PRKAR2A: variants seen among roughly 807,000 people sequenced by gnomAD.
The protein encoded by PRKAR2A is cAMP-dependent protein kinase type II-alpha regulatory subunit.
PRKAR2A carries 29 observed loss-of-function variants against 51.9 expected under a neutral mutation model. The observed-to-expected ratio is 0.56, with a 90% CI of 0.42 to 0.76. The LOEUF (loss-of-function observed/expected upper bound fraction) is 0.76. Ranked by LOEUF, PRKAR2A falls within the 30% of genes least tolerant of loss-of-function variation. PRKAR2A has a pLI of 0.00. For missense variants in PRKAR2A, 445 were observed against 512.1 expected, an observed-to-expected ratio of 0.87 and a Z score of 1.26; for synonymous variants, 178 against 186.2, an observed-to-expected ratio of 0.96 and a Z score of 0.36.
At chr3:48,759,638 C>T (rs936376538) in intron 8 of PRKAR2A, among the ~76,000 whole-genome samples, 7 of 152,164 alleles carry the variant, frequency 4.6e-5, no homozygotes, top group Non-Finnish European at 8.8e-5. Context: ...CCGCCTGCCT[C>T]GGCCTCCCTA....
At chr3:48,825,465 C>G (rs1332502670) in intron 1 of PRKAR2A, among the ~76,000 whole-genome samples, 1 of 152,078 alleles carries the variant, frequency 6.6e-6, no homozygotes, top group African/African-American at 2.4e-5. Context: ...AGTACAGACC[C>G]TGGCACACAT....
intron 8 of PRKAR2A, among the ~76,000 whole-genome samples, chr3:48,764,538 A>G (rs903491922): frequency 6.6e-6 from 1 of 152,210 alleles, no homozygotes; most frequent in African/African-American, 2.4e-5. Context: ...ACGGACGTCA[A>G]TAAGCTTCAG....
intron 5 of PRKAR2A, among the ~76,000 whole-genome samples, chr3:48,774,830 T>TC (rs1366803563): frequency 1.3e-5 from 2 of 152,134 alleles, no homozygotes; most frequent in Non-Finnish European, 2.9e-5. Flanking sequence ...TTTCCTTGCC[T>TC]CCCTCCCTCC....
chr3:48,751,828 ACCAGCCACTTGC>A lies in PRKAR2A; in HGVS notation c.1082-122_1082-111del. On this transcript the variant is annotated intron_variant, in intron 10 of 10. Coordinates refer to ENST00000265563, the MANE Select transcript of PRKAR2A (RefSeq NM_004157.4). ...GTTGTATGAGATTACGCCTTGGGAC[ACCAGCCACTTGC>A]AAAAAGGGATGTTTCTATATGAATT... 16 of 1,282,590 alleles carry A rather than the reference ACCAGCCACTTGC, an allele frequency of 1.2e-5. No homozygotes were observed. The Admixed American group carries it at 2.6e-4, about 21-fold the overall frequency. 79.5% of individuals were successfully genotyped at this position (1,282,590 alleles called of 1,614,324 possible). A position where few individuals can be genotyped will look rare whatever the true frequency, so the allele number is the denominator to read the frequency against.
At chr3:48,760,886 C>CTAAG (rs1321446678) in intron 8 of PRKAR2A, among the ~76,000 whole-genome samples, 1 of 150,244 alleles carries the variant, frequency 6.7e-6, no homozygotes, top group Non-Finnish European at 1.5e-5. Context: ...ACTTGGAAGG[C>CTAAG]TAAGGGAAGA....
At chr3:48,825,934 T>C (rs540959674) in intron 1 of PRKAR2A, among the ~76,000 whole-genome samples, 1 of 152,298 alleles carries the variant, frequency 6.6e-6, no homozygotes, top group South Asian at 2.1e-4. Flanking sequence ...ATGGTAGTTA[T>C]ACTTTGGGGA....
At chr3:48,820,921 G>A (rs543142109) in intron 1 of PRKAR2A, among the ~76,000 whole-genome samples, 1 of 152,174 alleles carries the variant, frequency 6.6e-6, no homozygotes, top group African/African-American at 2.4e-5. Context: ...AACTCCCTGA[G>A]TTGGACCTGA....
intron 1 of PRKAR2A, among the ~76,000 whole-genome samples, chr3:48,830,610 T>C (rs1333214892): frequency 6.6e-6 from 1 of 152,114 alleles, no homozygotes; most frequent in African/African-American, 2.4e-5. Context: ...TGGAAGACAA[T>C]TTTTCCATGA....
intron 5 of PRKAR2A, among the ~76,000 whole-genome samples, chr3:48,776,714 G>A (rs970201315): frequency 5.3e-5 from 8 of 152,030 alleles, no homozygotes; most frequent in Non-Finnish European, 8.8e-5. Context: ...GGTGGCATGT[G>A]CCTGTAATCC....
intron 1 of PRKAR2A, among the ~76,000 whole-genome samples, chr3:48,840,516 GTTTATCCA>G (rs2083360092): frequency 8.6e-6 from 1 of 116,116 alleles, no homozygotes; most frequent in South Asian, 3.0e-4. Flanking sequence ...ACCATATTTT[GTTTATCCA>G]TTCATTTATG....
chr3:48,749,517 T>A lies in PRKAR2A; in HGVS notation c.*2068A>T, dbSNP rs1216009075. On this transcript the variant is annotated 3_prime_UTR_variant, in exon 11 of 11. Coordinates refer to ENST00000265563, the MANE Select transcript of PRKAR2A (RefSeq NM_004157.4). ...TTTTTTTTGAGATGGAGTCTTGCAC[T>A]GTCACCCGGGGTGGAATACAATGGT... 4 of 151,348 alleles carry A rather than the reference T, an allele frequency of 2.6e-5. No homozygotes were observed. Among genetic ancestry groups the A allele is most frequent in the Non-Finnish European group, 5.9e-5 (4 of 67,896 alleles). The allele number at this position is 151,348 out of a possible 1,614,324, so 9.4% of individuals were successfully genotyped here.
intron 1 of PRKAR2A, among the ~76,000 whole-genome samples, chr3:48,843,987 G>T (rs2107472600): frequency 6.7e-6 from 1 of 148,882 alleles, no homozygotes; most frequent in South Asian, 2.1e-4. Context: ...TTGACAAATG[G>T]GATCTAATTA....
At chr3:48,826,100 T>A (rs957198464) in intron 1 of PRKAR2A, among the ~76,000 whole-genome samples, 14 of 152,150 alleles carry the variant, frequency 9.2e-5, no homozygotes, top group South Asian at 2.1e-4. Flanking sequence ...CCCATCTCTA[T>A]GAATAATTTT....
intron 6 of PRKAR2A, among the ~76,000 whole-genome samples, chr3:48,770,426 A>T (rs2082013105): frequency 6.6e-6 from 1 of 152,100 alleles, no homozygotes; most frequent in Non-Finnish European, 1.5e-5. Flanking sequence ...GGAATGTAGG[A>T]TCCAACTTGA....
At chr3:48,755,763 C>T (rs1286471399) in intron 9 of PRKAR2A, among the ~76,000 whole-genome samples, 1 of 148,818 alleles carries the variant, frequency 6.7e-6, no homozygotes, top group East Asian at 2.0e-4. Flanking sequence ...TGAGACATTG[C>T]GCCCAGCCCC....
rs900728827 is a variant in PRKAR2A at position 48,790,514 on chromosome 3, T to C, written c.435+30A>G. The C allele has an allele frequency of 4.8e-6, 7 of 1,447,000 alleles. 1 individual carries two copies. The highest frequency in any genetic ancestry group is 6.5e-6 in the Non-Finnish European group (7 of 1,073,198). 89.6% of individuals were successfully genotyped at this position (1,447,000 alleles called of 1,614,324 possible). A position where few individuals can be genotyped will look rare whatever the true frequency, so the allele number is the denominator to read the frequency against. On this transcript the variant is annotated intron_variant, in intron 4 of 10. Coordinates refer to ENST00000265563, the MANE Select transcript of PRKAR2A (RefSeq NM_004157.4). Reference sequence around the variant, plus strand: ...TAGGAGCAAAGCTAAAAGATCATTATAATAAAAATACTTTAGAAATCAATG... The same window carrying C: ...TAGGAGCAAAGCTAAAAGATCATTACAATAAAAATACTTTAGAAATCAATG...
intron 2 of PRKAR2A, among the ~76,000 whole-genome samples, chr3:48,805,271 G>A (rs888382944): frequency 6.6e-6 from 1 of 152,144 alleles, no homozygotes. Flanking sequence ...TCTGGAAGCA[G>A]CCAAGAGAAT....
intron 6 of PRKAR2A, among the ~76,000 whole-genome samples, chr3:48,771,801 A>G (rs1343976991): frequency 6.6e-6 from 1 of 152,002 alleles, no homozygotes; most frequent in Non-Finnish European, 1.5e-5. Context: ...CATGGGCTTG[A>G]AAAAAATGTT....
chr3:48,746,298 T>C (rs554796296), downstream of PRKAR2A, among the ~76,000 whole-genome samples: 1 of 142,632 alleles, frequency 7.0e-6, no homozygotes, highest in African/African-American at 2.6e-5. Flanking sequence ...GCAGGAAGAC[T>C]GCTTGAGCCT....
Sources: gnomAD v4.1 joint callset for allele counts (sites outside exome capture counted in the v4.1 genomes callset) on GRCh38, gnomAD v4.1.1 for gene constraint, MANE v1.5 for transcripts, NCBI Gene and HGNC (gene_info 2026-07-23, HGNC 2026-07-21) for gene names.